Variants in FCN2 observed in about 807,000 individuals in gnomAD.
The protein encoded by FCN2 is ficolin-2.
A neutral mutation model predicts 32.5 loss-of-function variants in FCN2; 31 were observed. That is an observed-to-expected ratio of 0.96 (90% CI 0.72 to 1.29). The LOEUF is 1.29. Ranked by LOEUF, FCN2 falls within the 50% of genes most tolerant of loss-of-function variation. FCN2 has a pLI of 0.00. For missense variants in FCN2, 412 were observed against 406.5 expected (o/e 1.01, Z -0.12); for synonymous variants, 181 against 164.5 (o/e 1.10, Z -0.77).
chr9:134,872,331 T>G, the FCN2 span, among the ~76,000 whole-genome samples: 1 of 152,218 alleles, frequency 6.6e-6, no homozygotes, highest in Non-Finnish European at 1.5e-5. Context: ...CATTCAGGTG[T>G]TGATGGACAT....
In FCN2 at chr9:134,880,880, T is replaced by G; in HGVS notation, c.59T>G (p.Leu20Arg). Residue 20 changes from leucine to arginine, a missense_variant, in exon 1 of 8, where the codon CTG becomes CGG. Physicochemically the swap from Leu to Arg is moderately radical, Grantham distance 102 (BLOSUM62 -2). Transcript: ENST00000291744. ...LGAATLLLSF[L>R]GMAWALQAAD... ...GCTGCCACCCTGCTGCTCTCTTTCCTGGGCATGGCCTGGGCTCTCCAGGCG... is the reference window on the plus strand; with the variant it reads ...GCTGCCACCCTGCTGCTCTCTTTCCGGGGCATGGCCTGGGCTCTCCAGGCG... 2 of 1,613,456 alleles carry G rather than the reference T, an allele frequency of 1.2e-6. No individual in the cohort carries two copies. The highest frequency in any genetic ancestry group is 2.2e-5 in the South Asian group (2 of 90,982).
At chr9:134,868,054 C>G in the FCN2 span, among the ~76,000 whole-genome samples, 1 of 152,216 alleles carries the variant, frequency 6.6e-6, no homozygotes, top group Non-Finnish European at 1.5e-5. This position sits in a 1 kb window ranked among gnomAD's most constrained non-coding sequence, Gnocchi z 4.3. Flanking sequence ...GGACACACAG[C>G]ACTGAGGACA....
chr9:134,873,071 T>C, the FCN2 span, among the ~76,000 whole-genome samples: 1 of 152,076 alleles, frequency 6.6e-6, no homozygotes, highest in African/African-American at 2.4e-5. Context: ...TATCCGCACA[T>C]CTTCTTCAGT....
At chr9:134,884,601 C>T in intron 3 of FCN2, 139 bp from the exon 4 acceptor site, 1 of 839,510 alleles carries the variant, frequency 1.2e-6, no homozygotes, top group Non-Finnish European at 2.0e-6. Context: ...TCAACAGAAC[C>T]AGGGTCAGGG....
At chr9:134,866,412 G>A in the FCN2 span, among the ~76,000 whole-genome samples, 2 of 146,616 alleles carry the variant, frequency 1.4e-5, no homozygotes, top group Non-Finnish European at 3.0e-5. Flanking sequence ...TTAATAAATG[G>A]TGCTGGGAAA....
At chr9:134,886,595 G>A (rs758281607) in intron 7 of FCN2, 31 bp downstream of exon 7, 1 of 1,612,298 alleles carries the variant, frequency 6.2e-7, no homozygotes, top group Non-Finnish European at 8.5e-7. Context: ...GTGTGGCCTG[G>A]GCTTCTGAGG....
upstream of FCN2, among the ~76,000 whole-genome samples, chr9:134,876,761 A>G (rs3124950): frequency 0.85 from 129,069 of 151,970 alleles, 55,174 homozygotes; most frequent in East Asian, 0.98. Flanking sequence ...TATTTTTAGT[A>G]GAGAAGGGGT....
Position 134,885,938 on chromosome 9 carries a change from T to G in FCN2, c.559+41T>G, listed in dbSNP as rs1441613981. 4.4e-6 allele frequency: 7 copies of G among 1,574,276 alleles called. No individual in the cohort carries two copies. In the African/African-American group the frequency reaches 5.4e-5, roughly 12 times the overall value. Reference sequence around the variant, plus strand: ...GGGCTTGGGGGTCGGGGGCCCTGAATGGGGGTGCCCCTGCCTCTTGGGCCT... The same window carrying G: ...GGGCTTGGGGGTCGGGGGCCCTGAAGGGGGGTGCCCCTGCCTCTTGGGCCT... On this transcript the variant is annotated intron_variant, in intron 6 of 7. Transcript: ENST00000291744.
chr9:134,876,132 C>T (rs1261937653), upstream of FCN2, among the ~76,000 whole-genome samples: 1 of 152,142 alleles, frequency 6.6e-6, no homozygotes, highest in East Asian at 1.9e-4. Context: ...ACCTCACTTG[C>T]TCATGATACA....
chr9:134,868,128 C>T, the FCN2 span: 1 of 152,286 alleles, frequency 6.6e-6, no homozygotes, highest in Middle Eastern at 3.2e-3. This position sits in a 1 kb window ranked among gnomAD's most constrained non-coding sequence, Gnocchi z 4.3. Context: ...ACCTCTCCGC[C>T]TCACCAGTGC....
upstream of FCN2, among the ~76,000 whole-genome samples, chr9:134,877,621 T>C (rs1274367615): frequency 6.6e-6 from 1 of 152,208 alleles, no homozygotes; most frequent in Non-Finnish European, 1.5e-5. Context: ...TGCTGTCTGC[T>C]ACAAGAGTCT....
At chr9:134,882,821 G>C (rs1052658353) in intron 2 of FCN2, among the ~76,000 whole-genome samples, 182 bp downstream of exon 2, 6 of 152,196 alleles carry the variant, frequency 3.9e-5, no homozygotes, top group African/African-American at 9.7e-5. Flanking sequence ...GTCTTTCTTA[G>C]CTATTTCATG....
chr9:134,886,632 C>T (rs1258641185), intron 7 of FCN2, 68 bp downstream of exon 7: 20 of 1,574,200 alleles, frequency 1.3e-5, no homozygotes, highest in African/African-American at 9.4e-5. Context: ...AGAGAGCGTG[C>T]TCAGTGTCCT....
rs560868023 is a variant in FCN2 at position 134,884,114 on chromosome 9, C to T, written c.269-626C>T. 9.9e-5 allele frequency among the ~76,000 whole-genome samples: 15 copies of T among 152,152 alleles called. No homozygotes were observed. In the South Asian group the frequency reaches 2.7e-3, roughly 27 times the overall value. On this transcript the variant is annotated intron_variant, in intron 3 of 7. Coordinates refer to ENST00000291744, the MANE Select transcript of FCN2 (RefSeq NM_004108.3). ...GATCAGCCCCGGATGGCTTGGAGAA[C>T]CATGCCAACAAGTTCCAAACACAGA... is the stretch of plus-strand genomic sequence containing the variant.
Position 134,880,894 on chromosome 9 carries a change from G to A in FCN2, c.73G>A (p.Ala25Thr). The change falls in exon 1 of 8, where the codon GCT becomes ACT. Residue 25 changes from alanine to threonine, a missense_variant. Physicochemically the swap from Ala to Thr is moderately conservative, Grantham distance 58 (BLOSUM62 0). Coordinates refer to ENST00000291744, the MANE Select transcript of FCN2 (RefSeq NM_004108.3). ...GCTCTCTTTCCTGGGCATGGCCTGG[G>A]CTCTCCAGGCGGCAGACACCTGTCC... ...LLLSFLGMAW[A>T]LQAADTCPEV... The A allele has an allele frequency of 1.2e-6, 2 of 1,613,248 alleles. No individual in the cohort carries two copies. The highest frequency in any genetic ancestry group is 1.7e-6 in the Non-Finnish European group (2 of 1,179,750).
At chr9:134,879,925 C>T (rs1288868191), upstream of FCN2, among the ~76,000 whole-genome samples, 1 of 152,096 alleles carries the variant, frequency 6.6e-6, no homozygotes, top group Admixed American at 6.5e-5. Flanking sequence ...TGGGGCCCCA[C>T]CTGCTACTGT....
the FCN2 span, among the ~76,000 whole-genome samples, chr9:134,874,010 A>G: frequency 1.3e-5 from 2 of 151,474 alleles, no homozygotes; most frequent in African/African-American, 4.9e-5. Context: ...TCCCGGGTTC[A>G]AGTGATGCTC....
chr9:134,870,248 G>A, the FCN2 span, among the ~76,000 whole-genome samples: 7 of 152,170 alleles, frequency 4.6e-5, no homozygotes, highest in East Asian at 1.9e-4. This position sits in a 1 kb window ranked among gnomAD's most constrained non-coding sequence, Gnocchi z 4.3. Flanking sequence ...ATTGCCCCCC[G>A]AGGCAGCAGG....
At chr9:134,881,403 G>C (rs745859321) in intron 1 of FCN2, among the ~76,000 whole-genome samples, 3 of 152,198 alleles carry the variant, frequency 2.0e-5, no homozygotes, top group Non-Finnish European at 4.4e-5. Flanking sequence ...GGAGATGGCA[G>C]TTCCCATGGT....
Sources: gnomAD v4.1 joint callset for allele counts (sites outside exome capture counted in the v4.1 genomes callset) on GRCh38, gnomAD v4.1.1 for gene constraint, Gnocchi (gnomAD v3.1) non-coding constraint, MANE v1.5 for transcripts, NCBI Gene and HGNC (gene_info 2026-07-23, HGNC 2026-07-21) for gene names.